FGF14: variants seen among roughly 807,000 people sequenced by gnomAD.
FGF14 encodes fibroblast growth factor 14, also known as fibroblast growth factor homologous factor 4.
In FGF14, 5 loss-of-function variants were observed where a neutral mutation model predicts 25.5. The observed-to-expected ratio is 0.20, with a 90% confidence interval of 0.10 to 0.41. The LOEUF (loss-of-function observed/expected upper bound fraction) is 0.41. Among genes scored for constraint, FGF14 ranks in the 10% least tolerant of loss-of-function variants. The pLI is 1.00. For synonymous variants in FGF14, 138 were observed against 118.3 expected, an observed-to-expected ratio of 1.17 and a Z score of -1.08; for missense variants, 222 against 320.1, an observed-to-expected ratio of 0.69 and a Z score of 2.34.
chr13:101,884,327 G>A (rs1366727002), intron 1 of FGF14, among the ~76,000 whole-genome samples: 2 of 151,966 alleles, frequency 1.3e-5, no homozygotes, highest in Non-Finnish European at 2.9e-5. Flanking sequence ...GGGGAAAACC[G>A]TGTAAGAAAA....
intron 1 of FGF14, among the ~76,000 whole-genome samples, chr13:102,008,398 C>A (rs2039913763): frequency 6.6e-6 from 1 of 152,178 alleles, no homozygotes; most frequent in South Asian, 2.1e-4. Context: ...GAACAGACCT[C>A]AGTACTCAAC....
chr13:102,141,612 A>G (rs574544548), intron 1 of FGF14, among the ~76,000 whole-genome samples: 1 of 152,244 alleles, frequency 6.6e-6, no homozygotes, highest in Non-Finnish European at 1.5e-5. Flanking sequence ...TTCTCTAGCT[A>G]GATAACTGCT....
At chr13:102,131,065 A>G (rs1024121236) in intron 1 of FGF14, among the ~76,000 whole-genome samples, 1 of 152,178 alleles carries the variant, frequency 6.6e-6, no homozygotes, top group Non-Finnish European at 1.5e-5. Context: ...CTCAAAACTA[A>G]TTGAAATTAA....
chr13:102,238,077 C>G (rs745954854), intron 1 of FGF14, among the ~76,000 whole-genome samples: 7 of 152,078 alleles, frequency 4.6e-5, no homozygotes, highest in African/African-American at 9.7e-5. Context: ...TCTTTATTAT[C>G]ATTGAATTTG....
At chr13:102,036,220 A>G (rs138578349) in intron 1 of FGF14, among the ~76,000 whole-genome samples, 2 of 152,144 alleles carry the variant, frequency 1.3e-5, no homozygotes, top group African/African-American at 2.4e-5. Flanking sequence ...AGATATGTCC[A>G]TCACATTTCT....
At chr13:102,061,818 C>A (rs911474354) in intron 1 of FGF14, among the ~76,000 whole-genome samples, 1 of 152,166 alleles carries the variant, frequency 6.6e-6, no homozygotes, top group East Asian at 1.9e-4. Flanking sequence ...AAGCCTAGGG[C>A]ACACGGAGAG....
chr13:102,350,519 G>T (rs1451869851), intron 1 of FGF14, among the ~76,000 whole-genome samples: 3 of 152,120 alleles, frequency 2.0e-5, no homozygotes, highest in African/African-American at 7.2e-5. Context: ...GATGGGTCTT[G>T]TTTTCCCATC....
chr13:101,894,434 A>G (rs543274415), intron 1 of FGF14, among the ~76,000 whole-genome samples: 1 of 152,134 alleles, frequency 6.6e-6, no homozygotes, highest in Admixed American at 6.6e-5. Flanking sequence ...AGTCCAATGA[A>G]CTCCCCCAGT....
chr13:102,173,320 A>C (rs1301216921), intron 1 of FGF14, among the ~76,000 whole-genome samples: 2 of 152,152 alleles, frequency 1.3e-5, no homozygotes, highest in African/African-American at 4.8e-5. Context: ...GTCATAAAAA[A>C]AAGATAAAAA....
intron 3 of FGF14, among the ~76,000 whole-genome samples, chr13:101,770,958 C>A (rs1322734255): frequency 6.6e-6 from 1 of 151,940 alleles, no homozygotes. Context: ...AAACAAAACA[C>A]ACAGATTTAA....
At chr13:102,047,736 G>A (rs140041880) in intron 1 of FGF14, among the ~76,000 whole-genome samples, 5,495 of 152,080 alleles carry the variant, frequency 0.036, 154 homozygotes, top group Middle Eastern at 0.075. Context: ...GCTAAATGAC[G>A]AGTTAATGGG....
chr13:102,258,160 G>C (rs1472086739), intron 1 of FGF14, among the ~76,000 whole-genome samples: 1 of 152,142 alleles, frequency 6.6e-6, no homozygotes, highest in Non-Finnish European at 1.5e-5. Context: ...CATGAGAAGA[G>C]TATGGGGAAG....
chr13:102,234,633 G>A (rs2051245952), intron 1 of FGF14, among the ~76,000 whole-genome samples: 1 of 151,998 alleles, frequency 6.6e-6, no homozygotes, highest in African/African-American at 2.4e-5. Flanking sequence ...ATTTTTTTCT[G>A]AAATGTTGAG....
intron 1 of FGF14, among the ~76,000 whole-genome samples, chr13:102,059,114 A>G (rs900640176): frequency 6.6e-6 from 1 of 152,124 alleles, no homozygotes; most frequent in Non-Finnish European, 1.5e-5. Flanking sequence ...TACCAGAACC[A>G]ATAAAGAATG....
At chr13:101,974,735 GA>G (rs200138938) in intron 1 of FGF14, among the ~76,000 whole-genome samples, 1 of 151,586 alleles carries the variant, frequency 6.6e-6, no homozygotes, top group East Asian at 1.9e-4. Flanking sequence ...ACGGACAGTG[GA>G]AAAAAAACTA....
Position 101,722,021 on chromosome 13 carries a change from A to G in FGF14, c.*810T>C, listed in dbSNP as rs1014343422. 1 of 152,224 alleles carries G rather than the reference A, an allele frequency of 6.6e-6. No individual in the cohort carries two copies. Among genetic ancestry groups the G allele is most frequent in the African/African-American group, 2.4e-5 (1 of 41,386 alleles). 9.4% of individuals were successfully genotyped at this position (152,224 alleles called of 1,614,324 possible). ...CATTACCAGTAAGCTTGTGATATGTATAAAACACACACACACAAAGAAACT... is the reference window on the plus strand; with the variant it reads ...CATTACCAGTAAGCTTGTGATATGTGTAAAACACACACACACAAAGAAACT... On this transcript the variant is annotated 3_prime_UTR_variant, in exon 5 of 5. Transcript: ENST00000376143.
At chr13:102,187,338 A>C (rs754268353) in intron 1 of FGF14, among the ~76,000 whole-genome samples, 13 of 152,124 alleles carry the variant, frequency 8.5e-5, no homozygotes, top group African/African-American at 1.2e-4. Flanking sequence ...ATGTTCATAT[A>C]CTCTTGTTTG....
At chr13:102,349,240 C>G (rs1040369647) in intron 1 of FGF14, among the ~76,000 whole-genome samples, 2 of 152,228 alleles carry the variant, frequency 1.3e-5, no homozygotes, top group African/African-American at 4.8e-5. Context: ...CAAGCATCAT[C>G]TCTTTGCTCC....
chr13:101,785,857 A>C (rs1000559346), intron 3 of FGF14, among the ~76,000 whole-genome samples: 5 of 152,178 alleles, frequency 3.3e-5, no homozygotes, highest in African/African-American at 1.2e-4. Context: ...TCAATGTTTT[A>C]ATAACAATGC....
Sources: allele counts gnomAD v4.1 joint callset (sites outside exome capture counted in the v4.1 genomes callset), GRCh38; gene constraint gnomAD v4.1.1; transcripts MANE v1.5; gene names NCBI Gene and HGNC (gene_info 2026-07-23, HGNC 2026-07-21).